ANKS1B: variants seen among roughly 807,000 people sequenced by gnomAD.
ANKS1B encodes ankyrin repeat and sterile alpha motif domain containing 1B.
ANKS1B carries 36 observed loss-of-function variants against 148.3 expected under a neutral mutation model. The observed-to-expected ratio is 0.24, with a 90% confidence interval of 0.19 to 0.32. The LOEUF (loss-of-function observed/expected upper bound fraction) is 0.32. Among genes scored for constraint, ANKS1B ranks in the 10% least tolerant of loss-of-function variants. The pLI is 1.00. For missense variants in ANKS1B, 1,157 were observed against 1,542.6 expected, an observed-to-expected ratio of 0.75 and a Z score of 4.19; for synonymous variants, 542 against 560.8, an observed-to-expected ratio of 0.97 and a Z score of 0.47.
At chr12:98,852,182 G>A (rs1256159087) in intron 17 of ANKS1B, among the ~76,000 whole-genome samples, 1 of 152,052 alleles carries the variant, frequency 6.6e-6, no homozygotes, top group Non-Finnish European at 1.5e-5. Context: ...TGAGGATAAG[G>A]CTCAGCAATT....
intron 14 of ANKS1B, among the ~76,000 whole-genome samples, chr12:99,222,870 C>T (rs968600518): frequency 6.6e-5 from 10 of 152,168 alleles, no homozygotes; most frequent in Non-Finnish European, 1.5e-4. Context: ...GCAGCACTTA[C>T]TCTTGGGACT....
intron 1 of ANKS1B, among the ~76,000 whole-genome samples, chr12:99,885,950 G>A (rs1438240784): frequency 6.6e-6 from 1 of 152,094 alleles, no homozygotes; most frequent in Non-Finnish European, 1.5e-5. Flanking sequence ...TTTATTTTAT[G>A]GCTGAGTAGT....
chr12:98,957,434 G>T (rs1034535233), intron 17 of ANKS1B, among the ~76,000 whole-genome samples: 1 of 151,684 alleles, frequency 6.6e-6, no homozygotes, highest in African/African-American at 2.4e-5. Flanking sequence ...TGCAAGCTCC[G>T]CCTCCTGGGT....
chr12:99,054,984 T>C (rs1418589732), intron 16 of ANKS1B, among the ~76,000 whole-genome samples: 1 of 152,270 alleles, frequency 6.6e-6, no homozygotes, highest in African/African-American at 2.4e-5. Flanking sequence ...ATGTAACACT[T>C]AACTCTGTGT....
rs1367663041 is a variant in ANKS1B at position 98,791,556 on chromosome 12, T to A, written c.3342+7378A>T. 2.0e-5 allele frequency among the ~76,000 whole-genome samples: 3 copies of A among 151,488 alleles called. No individual in the cohort carries two copies. In the East Asian group the frequency reaches 5.8e-4, roughly 29 times the overall value. ...TCCATGAAATTGGGCAACAGAGAATTTTTTTTTAAAGATGGGATCTGGCTA... is the reference window on the plus strand; with the variant it reads ...TCCATGAAATTGGGCAACAGAGAATATTTTTTTAAAGATGGGATCTGGCTA... On this transcript the variant is annotated intron_variant, in intron 22 of 26. Coordinates refer to ENST00000683438, the MANE Select transcript of ANKS1B (RefSeq NM_001352186.2).
At chr12:99,185,729 C>T (rs1191799143) in intron 14 of ANKS1B, among the ~76,000 whole-genome samples, 4 of 152,204 alleles carry the variant, frequency 2.6e-5, no homozygotes, top group African/African-American at 9.7e-5. Context: ...TACGCTTTTC[C>T]CATGGTCTTC....
intron 9 of ANKS1B, among the ~76,000 whole-genome samples, chr12:99,645,017 T>C (rs1037493101): frequency 1.3e-5 from 2 of 152,118 alleles, no homozygotes; most frequent in Non-Finnish European, 2.9e-5. Flanking sequence ...CACCCCCAAT[T>C]CAGATCCTAA....
intron 12 of ANKS1B, among the ~76,000 whole-genome samples, chr12:99,298,777 TAAA>T (rs1441545493): frequency 6.6e-6 from 1 of 152,178 alleles, no homozygotes; most frequent in African/African-American, 2.4e-5. Flanking sequence ...ATACAAATAT[TAAA>T]GTATACTATT....
intron 17 of ANKS1B, among the ~76,000 whole-genome samples, chr12:99,049,393 G>A (rs190693602): frequency 6.6e-5 from 10 of 152,126 alleles, no homozygotes; most frequent in East Asian, 5.8e-4. Context: ...CAATGAGAGC[G>A]GGGTAGACAG....
At chr12:99,039,195 G>A (rs888700805) in intron 17 of ANKS1B, among the ~76,000 whole-genome samples, 15 of 152,340 alleles carry the variant, frequency 9.8e-5, no homozygotes, top group South Asian at 6.2e-4. Flanking sequence ...ATAGAGTGTG[G>A]ACTACCTTTC....
At chr12:99,913,631 T>C (rs2094078374) in intron 1 of ANKS1B, among the ~76,000 whole-genome samples, 1 of 152,224 alleles carries the variant, frequency 6.6e-6, no homozygotes, top group South Asian at 2.1e-4. Context: ...ACTTGGGTTA[T>C]CCAGGCTAAA....
intron 9 of ANKS1B, among the ~76,000 whole-genome samples, chr12:99,523,370 ATCTATC>A (rs2096894223): frequency 6.6e-6 from 1 of 152,334 alleles, no homozygotes; most frequent in South Asian, 2.1e-4. Flanking sequence ...TAGAATTGTT[ATCTATC>A]TCTAAGGAAG....
intron 12 of ANKS1B, among the ~76,000 whole-genome samples, chr12:99,369,566 T>C (rs371795776): frequency 6.6e-6 from 1 of 152,160 alleles, no homozygotes; most frequent in African/African-American, 2.4e-5. Context: ...GCTGATTAGA[T>C]ATCACTTGAT....
chr12:99,761,065 CAAAAAA>C (rs60542272), intron 8 of ANKS1B, among the ~76,000 whole-genome samples: 2 of 98,698 alleles, frequency 2.0e-5, no homozygotes, highest in African/African-American at 7.8e-5. Context: ...GCCTAACAAC[CAAAAAA>C]AAAAAAAAAA....
At chr12:99,013,335 T>C (rs2099940558) in intron 17 of ANKS1B, among the ~76,000 whole-genome samples, 1 of 152,116 alleles carries the variant, frequency 6.6e-6, no homozygotes. Flanking sequence ...AAGGATGCCC[T>C]CTCTTACCAC....
At chr12:99,060,841 A>G (rs2042228422) in intron 16 of ANKS1B, among the ~76,000 whole-genome samples, 1 of 152,110 alleles carries the variant, frequency 6.6e-6, no homozygotes, top group Admixed American at 6.6e-5. Flanking sequence ...AAGGCAATAA[A>G]AACAGGTAAA....
At chr12:99,918,486 A>G (rs1255813768) in intron 1 of ANKS1B, among the ~76,000 whole-genome samples, 1 of 152,224 alleles carries the variant, frequency 6.6e-6, no homozygotes, top group African/African-American at 2.4e-5. Context: ...TACAATTATT[A>G]TCACCTTATA....
rs545170765 is a variant in ANKS1B, at chr12:98,768,797, C to T, written c.3579+4245G>A. ...AGCTTAAGAAGCCCCGCACACTCCA[C>T]CCCCGCCTCACATCTGAGCACATTC... On this transcript the variant is annotated intron_variant, in intron 25 of 26. Coordinates refer to ENST00000683438, the MANE Select transcript of ANKS1B (RefSeq NM_001352186.2). Among the ~76,000 whole-genome samples, 9 of 152,016 alleles carry T rather than the reference C, an allele frequency of 5.9e-5. No individual in the cohort carries two copies. In the South Asian group the frequency reaches 6.2e-4, roughly 11 times the overall value.
At chr12:99,790,325 G>C (rs1292405267) in intron 4 of ANKS1B, among the ~76,000 whole-genome samples, 1 of 152,054 alleles carries the variant, frequency 6.6e-6, no homozygotes, top group East Asian at 1.9e-4. Flanking sequence ...CAAAATCTGA[G>C]GGATTTCATC....
Sources: allele counts gnomAD v4.1 joint callset (sites outside exome capture counted in the v4.1 genomes callset), GRCh38; gene constraint gnomAD v4.1.1; transcripts MANE v1.5; gene names NCBI Gene and HGNC (gene_info 2026-07-23, HGNC 2026-07-21).